Variants in NRG1 observed in about 807,000 individuals in gnomAD.
NRG1 encodes the protein neuregulin 1.
Under a neutral mutation model 63.8 loss-of-function variants are expected in NRG1, and 18 were observed. The ratio of observed to expected loss-of-function variants is 0.28; its 90% CI spans 0.19 to 0.42. The LOEUF is 0.42. NRG1 is among the 10% of genes least tolerant of loss of function. The pLI is 1.00. For synonymous variants in NRG1, 302 were observed against 301.3 expected (o/e 1.00, Z -0.02); for missense variants, 762 against 814.7 (o/e 0.94, Z 0.79).
rs139722939 is a variant in NRG1 at position 31,687,683 on chromosome 8, A to C, written c.37+48252A>C. Among the ~76,000 whole-genome samples, 330 of 152,370 alleles carry C rather than the reference A, an allele frequency of 2.2e-3. 1 individual carries two copies. The highest frequency in any genetic ancestry group is 7.4e-3 in the African/African-American group (307 of 41,600). Reference sequence around the variant, plus strand: ...TTTATTAGGGAGTGCTGTTGGAAACAACACAATGGAAGAGAAAAGAATCAG... The same window carrying C: ...TTTATTAGGGAGTGCTGTTGGAAACCACACAATGGAAGAGAAAAGAATCAG... On this transcript the variant is annotated intron_variant, in intron 1 of 10. Coordinates refer to the NRG1 transcript ENST00000519301.
At chr8:31,659,072 C>T (rs1017010516) in intron 1 of NRG1, among the ~76,000 whole-genome samples, 4 of 152,162 alleles carry the variant, frequency 2.6e-5, no homozygotes, top group African/African-American at 9.7e-5. Flanking sequence ...AGATGTTTCT[C>T]ATGCTCACTG....
At chr8:32,156,902 A>G (rs1328557817) in intron 1 of NRG1, among the ~76,000 whole-genome samples, 1 of 152,238 alleles carries the variant, frequency 6.6e-6, no homozygotes, top group Non-Finnish European at 1.5e-5. Flanking sequence ...ACACCACTGT[A>G]GTCCAGCCTG....
At chr8:31,839,818 C>T (rs1229003587) in intron 1 of NRG1, among the ~76,000 whole-genome samples, 1 of 152,156 alleles carries the variant, frequency 6.6e-6, no homozygotes, top group East Asian at 1.9e-4. Flanking sequence ...ACTCGCTGGG[C>T]TCAGTCAGGT....
intron 5 of NRG1, among the ~76,000 whole-genome samples, chr8:32,677,612 A>G (rs4515504): frequency 0.043 from 6,594 of 152,162 alleles, 662 homozygotes; most frequent in East Asian, 0.41. Context: ...AGCTGAGATC[A>G]TGCCACTGCA....
At chr8:32,518,883 A>C (rs1243772461) in intron 1 of NRG1, among the ~76,000 whole-genome samples, 2 of 152,222 alleles carry the variant, frequency 1.3e-5, no homozygotes, top group African/African-American at 4.8e-5. Flanking sequence ...CAGTTAATGG[A>C]GAGATTTAAT....
chr8:32,571,468 A>G (rs1418954000), intron 1 of NRG1, among the ~76,000 whole-genome samples: 1 of 152,166 alleles, frequency 6.6e-6, no homozygotes, highest in African/African-American at 2.4e-5. Context: ...TTTTAGCTTC[A>G]GGATTTTGAC....
At chr8:31,849,316 G>A (rs530566880) in intron 1 of NRG1, among the ~76,000 whole-genome samples, 11 of 152,232 alleles carry the variant, frequency 7.2e-5, no homozygotes, top group East Asian at 3.9e-4. Context: ...CTCCCACACC[G>A]CACAGCTGCA....
chr8:32,536,851 G>A (rs1200255598), intron 1 of NRG1, among the ~76,000 whole-genome samples: 1 of 149,658 alleles, frequency 6.7e-6, no homozygotes, highest in Admixed American at 6.7e-5. Context: ...GTGAACCCGG[G>A]AGGCGGAGCT....
chr8:31,795,020 C>T (rs1385313419), intron 1 of NRG1, among the ~76,000 whole-genome samples: 1 of 152,120 alleles, frequency 6.6e-6, no homozygotes, highest in Non-Finnish European at 1.5e-5. Context: ...CCAGGCTGGT[C>T]TCAAATTCCT....
At chr8:32,592,586 A>C (rs554430424) in intron 1 of NRG1, among the ~76,000 whole-genome samples, 1 of 152,296 alleles carries the variant, frequency 6.6e-6, no homozygotes, top group East Asian at 1.9e-4. Flanking sequence ...AAACTAATGA[A>C]GACAGAAGGT....
chr8:31,992,779 C>G (rs574740948), intron 1 of NRG1, among the ~76,000 whole-genome samples: 26 of 152,032 alleles, frequency 1.7e-4, no homozygotes, highest in Admixed American at 4.6e-4. Flanking sequence ...TAAGCATTAG[C>G]TCCATTGCAA....
chr8:31,646,679 T>G (rs1804320372), intron 1 of NRG1, among the ~76,000 whole-genome samples: 1 of 152,216 alleles, frequency 6.6e-6, no homozygotes, highest in South Asian at 2.1e-4. Flanking sequence ...GAGTTTGATT[T>G]TTATGTGTAG....
intron 1 of NRG1, among the ~76,000 whole-genome samples, chr8:31,983,712 T>A (rs1353008684): frequency 6.6e-6 from 1 of 151,906 alleles, no homozygotes; most frequent in Non-Finnish European, 1.5e-5. Context: ...ATGAGGGAAA[T>A]AAACAGGAGA....
chr8:31,778,726 C>A (rs367765367), intron 1 of NRG1, among the ~76,000 whole-genome samples: 2 of 152,166 alleles, frequency 1.3e-5, no homozygotes, highest in African/African-American at 4.8e-5. Flanking sequence ...CTCTCCATGA[C>A]CTAAAGCACT....
At chr8:32,102,447 A>C (rs756546285) in intron 1 of NRG1, among the ~76,000 whole-genome samples, 1 of 152,170 alleles carries the variant, frequency 6.6e-6, no homozygotes, top group Non-Finnish European at 1.5e-5. Flanking sequence ...CTAATTGAAG[A>C]CTTTTGTATG....
chr8:32,464,634 A>G (rs758875583), intron 1 of NRG1, among the ~76,000 whole-genome samples: 31 of 152,200 alleles, frequency 2.0e-4, no homozygotes, highest in Non-Finnish European at 4.1e-4. Flanking sequence ...CATTACTTGT[A>G]CAACCATTAT....
intron 1 of NRG1, among the ~76,000 whole-genome samples, chr8:31,972,778 C>T (rs1163885459): frequency 6.6e-6 from 1 of 152,160 alleles, no homozygotes; most frequent in Non-Finnish European, 1.5e-5. Context: ...TTCACTTGAC[C>T]TGCCATAACA....
chr8:32,724,035 T>C (rs942811381), intron 5 of NRG1, among the ~76,000 whole-genome samples: 1 of 152,224 alleles, frequency 6.6e-6, no homozygotes, highest in Non-Finnish European at 1.5e-5. Flanking sequence ...TAAAAAGGAA[T>C]GGCCAAAACC....
At chr8:32,524,209 C>T (rs948222316) in intron 1 of NRG1, among the ~76,000 whole-genome samples, 1 of 152,104 alleles carries the variant, frequency 6.6e-6, no homozygotes, top group African/African-American at 2.4e-5. Context: ...ATTGCTTGAG[C>T]CTAGAGGGTG....
Sources: allele counts gnomAD v4.1 joint callset (sites outside exome capture counted in the v4.1 genomes callset), GRCh38; gene constraint gnomAD v4.1.1; transcripts MANE v1.5; gene names NCBI Gene and HGNC (gene_info 2026-07-23, HGNC 2026-07-21).